The following ADGRE3 variants were observed in gnomAD, a reference collection of about 807,000 sequenced individuals.
ADGRE3 encodes the protein EGF-like module receptor 3.
A neutral mutation model predicts 80.1 loss-of-function variants in ADGRE3; 88 were observed. The observed-to-expected ratio is 1.10, with a 90% confidence interval of 0.93 to 1.31. The LOEUF (loss-of-function observed/expected upper bound fraction) is 1.31. Among genes scored for constraint, ADGRE3 ranks in the 40% most tolerant of loss-of-function variants. The pLI, the probability that ADGRE3 is intolerant of heterozygous loss-of-function variation, is 0.00. For synonymous variants in ADGRE3, 281 were observed against 294.8 expected (o/e 0.95, Z 0.48); for missense variants, 715 against 776.5 (o/e 0.92, Z 0.94).
At chr19:14,629,854 G>A (rs923551707) in intron 14 of ADGRE3, among the ~76,000 whole-genome samples, 185 bp downstream of exon 14, 1 of 152,132 alleles carries the variant, frequency 6.6e-6, no homozygotes, top group Admixed American at 6.6e-5. Flanking sequence ...ATTCTGAAAT[G>A]TGTTAATAAA....
intron 6 of ADGRE3, among the ~76,000 whole-genome samples, chr19:14,653,072 C>A (rs530592487): frequency 6.6e-6 from 1 of 151,250 alleles, no homozygotes; most frequent in Non-Finnish European, 1.5e-5. Context: ...AACCTCTGTC[C>A]CCCGGGTTCA....
chr19:14,620,581 T>TACA (rs1970576135), intron 15 of ADGRE3, among the ~76,000 whole-genome samples: 3 of 32,140 alleles, frequency 9.3e-5, no homozygotes, highest in Non-Finnish European at 1.2e-4. Context: ...TTTTTTTTTT[T>TACA]TTTTTTTTTT....
intron 2 of ADGRE3, among the ~76,000 whole-genome samples, chr19:14,665,664 A>C (rs34543510): frequency 0.016 from 2,343 of 151,158 alleles, 28 homozygotes; most frequent in Non-Finnish European, 0.023. Flanking sequence ...TAATTAAAAA[A>C]ATTTTTTTGT....
chr19:14,660,722 CA>C (rs748312267), intron 4 of ADGRE3, among the ~76,000 whole-genome samples: 30 of 152,142 alleles, frequency 2.0e-4, no homozygotes, highest in Admixed American at 6.5e-4. Context: ...TAGACTTTCC[CA>C]TCCATGTTTT....
At chr19:14,658,491 C>T (rs778075657) in intron 5 of ADGRE3, 22 bp downstream of exon 5, 1 of 1,544,194 alleles carries the variant, frequency 6.5e-7, no homozygotes. Context: ...TGGGAAGGGT[C>T]TGGGGATCAG....
At chr19:14,626,388 G>A (rs529719368) in intron 14 of ADGRE3, among the ~76,000 whole-genome samples, 2 of 152,186 alleles carry the variant, frequency 1.3e-5, no homozygotes, top group South Asian at 4.1e-4. Flanking sequence ...AGTGAGCTGA[G>A]ATCACGGCAC....
Position 14,633,020 on chromosome 19 carries a change from AC to A in ADGRE3, c.1552-9del. ...AAACAATACTAAATTCGCCTGCAGG[AC>A]CAACACAAACAAGGCAGAGTGCAAG... On this transcript the variant is annotated splice_polypyrimidine_tract_variant and intron_variant, in intron 12 of 15. Transcript: ENST00000253673. The A allele has an allele frequency of 6.2e-7, 1 of 1,606,106 alleles. No homozygotes were observed. The highest frequency in any genetic ancestry group is 2.2e-5 in the East Asian group (1 of 44,830).
At position 14,674,822 on chromosome 19, in the gene ADGRE3, G is replaced by GCCGTA. The variant is rs1384424670; in HGVS notation, c.-57_-53dup. 3.1e-6 allele frequency: 5 copies of GCCGTA among 1,593,482 alleles called. No homozygotes were observed. The highest frequency in any genetic ancestry group is 4.3e-6 in the Non-Finnish European group (5 of 1,168,092). On this transcript the variant is annotated 5_prime_UTR_variant, in exon 1 of 16. Coordinates refer to ENST00000253673, the MANE Select transcript of ADGRE3 (RefSeq NM_032571.5). The stretch of plus-strand genomic sequence containing the variant: ...GCCAGCCCTGGAAGCTCTCTACTGT[G>GCCGTA]CCGTAAGCCAACCACCTTTCCTAGC...
chr19:14,667,685 G>A (rs1412349471), intron 2 of ADGRE3, among the ~76,000 whole-genome samples: 1 of 152,078 alleles, frequency 6.6e-6, no homozygotes, highest in African/African-American at 2.4e-5. Context: ...CCCAGGGGGT[G>A]GGGGGCGTGG....
intron 11 of ADGRE3, among the ~76,000 whole-genome samples, chr19:14,636,139 T>TTTCC (rs1971067922): frequency 1.0e-5 from 1 of 95,766 alleles, no homozygotes; most frequent in African/African-American, 3.7e-5. Flanking sequence ...TCTTTCTTTC[T>TTTCC]TTCTTTCTTT....
intron 9 of ADGRE3, among the ~76,000 whole-genome samples, chr19:14,643,052 G>A (rs1251810091): frequency 6.6e-6 from 1 of 151,278 alleles, no homozygotes; most frequent in African/African-American, 2.4e-5. Context: ...CACCAACAGT[G>A]TGTGTTCCTT....
downstream of ADGRE3, among the ~76,000 whole-genome samples, chr19:14,618,897 A>G (rs750164531): frequency 4.0e-5 from 6 of 148,838 alleles, no homozygotes; most frequent in Non-Finnish European, 7.4e-5. Flanking sequence ...CAAGGAAGTA[A>G]AGCCAGTAGG....
the ADGRE3 span, chr19:14,607,130 T>C: frequency 9.0e-7 from 1 of 1,110,318 alleles, no homozygotes; most frequent in Non-Finnish European, 1.2e-6. Context: ...CTGGGGTCTC[T>C]CTGCTTCCTC....
intron 5 of ADGRE3, among the ~76,000 whole-genome samples, chr19:14,655,726 T>C (rs778273933): frequency 1.3e-5 from 2 of 151,658 alleles, no homozygotes; most frequent in South Asian, 2.1e-4. Flanking sequence ...CCTTCCAAAG[T>C]GATGGGATTA....
downstream of ADGRE3, among the ~76,000 whole-genome samples, chr19:14,614,286 G>A (rs565649716): frequency 6.6e-6 from 1 of 152,256 alleles, no homozygotes; most frequent in African/African-American, 2.4e-5. Flanking sequence ...GTTGTTTTCT[G>A]ATATGCGTAT....
chr19:14,616,847 T>G (rs1213416932), downstream of ADGRE3, among the ~76,000 whole-genome samples: 2 of 148,950 alleles, frequency 1.3e-5, no homozygotes, highest in Admixed American at 6.9e-5. Context: ...CAGTCTGGAG[T>G]GCAGTGGCGC....
chr19:14,660,893 CA>C (rs1031745967), intron 4 of ADGRE3, among the ~76,000 whole-genome samples: 3 of 136,246 alleles, frequency 2.2e-5, no homozygotes, highest in Admixed American at 7.4e-5. Flanking sequence ...TTGGTTGGGG[CA>C]AAAAAAATGG....
chr19:14,638,251 G>A lies in ADGRE3; in HGVS notation c.1338C>T (p.Leu446=). Residue 446 remains leucine (L), a synonymous_variant, in exon 11 of 16, where the codon CTC becomes CTT. Coordinates refer to ENST00000253673, the MANE Select transcript of ADGRE3 (RefSeq NM_032571.5). ...TGACCACTGTCAGGTTCCGTGCAGT[G>A]AGGAAGAGGTGCACACCCTCCAGCA... ...WMLLEGVHLF[L]TARNLTVVNY... 1 of 1,614,170 alleles carries A rather than the reference G, an allele frequency of 6.2e-7. No homozygotes were observed. The highest frequency in any genetic ancestry group is 8.5e-7 in the Non-Finnish European group (1 of 1,180,000).
At chr19:14,652,167 G>A (rs144837989) in intron 6 of ADGRE3, among the ~76,000 whole-genome samples, 81 of 152,280 alleles carry the variant, frequency 5.3e-4, no homozygotes, top group African/African-American at 1.9e-3. Flanking sequence ...GAGAAAAAAG[G>A]TAACCATGTG....
Sources: gnomAD v4.1 joint callset for allele counts (sites outside exome capture counted in the v4.1 genomes callset) on GRCh38, gnomAD v4.1.1 for gene constraint, MANE v1.5 for transcripts, NCBI Gene and HGNC (gene_info 2026-07-23, HGNC 2026-07-21) for gene names.